Variants in CCSER1 observed in about 807,000 individuals in gnomAD.
The protein encoded by CCSER1 is coiled-coil serine rich protein 1, also known as serine-rich coiled-coil domain-containing protein 1.
A neutral mutation model predicts 82.0 loss-of-function variants in CCSER1; 41 were observed. The observed-to-expected ratio is 0.50, with a 90% CI of 0.39 to 0.65. The LOEUF is 0.65. Among genes scored for constraint, CCSER1 ranks in the 30% least tolerant of loss-of-function variants. CCSER1 has a pLI of 0.00. For synonymous variants in CCSER1, 414 were observed against 383.9 expected (o/e 1.08, Z -0.92); for missense variants, 1,119 against 1,064.2 (o/e 1.05, Z -0.72).
At chr4:91,238,282 T>C (rs1739175453) in intron 10 of CCSER1, among the ~76,000 whole-genome samples, 1 of 152,130 alleles carries the variant, frequency 6.6e-6, no homozygotes, top group African/African-American at 2.4e-5. Flanking sequence ...ACATAGTAAG[T>C]GCCTGAGAGT....
chr4:90,616,667 A>G (rs1338309344), intron 5 of CCSER1, among the ~76,000 whole-genome samples: 2 of 150,392 alleles, frequency 1.3e-5, no homozygotes, highest in Non-Finnish European at 3.0e-5. Context: ...CCTGGGCCAC[A>G]GAGTGTGGCT....
At chr4:90,913,841 A>G (rs1726841274) in intron 8 of CCSER1, among the ~76,000 whole-genome samples, 1 of 152,194 alleles carries the variant, frequency 6.6e-6, no homozygotes, top group African/African-American at 2.4e-5. Flanking sequence ...AAGGGTTGCA[A>G]TCCTAGTCTC....
At chr4:91,523,462 T>C (rs919987367) in intron 10 of CCSER1, among the ~76,000 whole-genome samples, 2 of 152,136 alleles carry the variant, frequency 1.3e-5, no homozygotes, top group Non-Finnish European at 2.9e-5. Flanking sequence ...CCAGCTCCTC[T>C]TTGTACCTCT....
At chr4:90,426,947 A>G (rs950073084) in intron 4 of CCSER1, among the ~76,000 whole-genome samples, 1 of 152,120 alleles carries the variant, frequency 6.6e-6, no homozygotes, top group Non-Finnish European at 1.5e-5. Flanking sequence ...GATTCTTCTA[A>G]AAAGTCTTTA....
At chr4:90,359,205 T>A (rs886084308) in intron 3 of CCSER1, among the ~76,000 whole-genome samples, 2 of 152,172 alleles carry the variant, frequency 1.3e-5, no homozygotes, top group Admixed American at 6.5e-5. Flanking sequence ...CCAGAGAGAC[T>A]ATTGTTAGTC....
chr4:91,355,918 G>A (rs918821084), intron 10 of CCSER1, among the ~76,000 whole-genome samples: 2 of 152,218 alleles, frequency 1.3e-5, no homozygotes, highest in African/African-American at 4.8e-5. Flanking sequence ...GGTGGGGTTA[G>A]GGTGTTGCAA....
At chr4:91,194,672 G>A (rs1735262556) in intron 10 of CCSER1, among the ~76,000 whole-genome samples, 1 of 150,214 alleles carries the variant, frequency 6.7e-6, no homozygotes, top group Non-Finnish European at 1.5e-5. Context: ...ACATGGTAGA[G>A]AACACACACA....
At chr4:90,286,099 T>C (rs1211143906) in intron 1 of CCSER1, among the ~76,000 whole-genome samples, 2 of 152,098 alleles carry the variant, frequency 1.3e-5, no homozygotes, top group Non-Finnish European at 2.9e-5. Context: ...CATTTTTCTT[T>C]TTTTGTCATG....
At chr4:91,221,264 C>A (rs2149099941) in intron 10 of CCSER1, among the ~76,000 whole-genome samples, 1 of 152,062 alleles carries the variant, frequency 6.6e-6, no homozygotes, top group African/African-American at 2.4e-5. Context: ...AAAATGCAGT[C>A]AATTTATTTG....
chr4:90,207,870 G>T (rs190708708), intron 1 of CCSER1, among the ~76,000 whole-genome samples: 1 of 152,292 alleles, frequency 6.6e-6, no homozygotes, highest in East Asian at 1.9e-4. Context: ...TCTTCTGGAA[G>T]CTTCGTCCTA....
At chr4:91,021,717 A>G (rs977689786) in intron 9 of CCSER1, among the ~76,000 whole-genome samples, 5 of 152,200 alleles carry the variant, frequency 3.3e-5, no homozygotes, top group Admixed American at 6.5e-5. Context: ...AATGATGTAC[A>G]GTAAATTTCC....
chr4:90,747,485 A>T (rs1580276835), intron 7 of CCSER1, among the ~76,000 whole-genome samples: 3 of 151,444 alleles, frequency 2.0e-5, no homozygotes, highest in African/African-American at 7.3e-5. Context: ...GAGAGCAGAG[A>T]AAAAAAAAGA....
chr4:90,340,731 C>T lies in CCSER1; in HGVS notation c.1509+27684C>T, dbSNP rs373978390. The stretch of plus-strand genomic sequence containing the variant: ...TCCCCCTTTTTATTTCCAAACATTC[C>T]CATAAGGTTTACAAGTCTTTGAAAT... On this transcript the variant is annotated intron_variant, in intron 3 of 10. Transcript: ENST00000509176. Among the ~76,000 whole-genome samples the T allele has an allele frequency of 1.9e-3, 284 of 152,122 alleles. 1 individual carries two copies. The highest frequency in any genetic ancestry group is 6.0e-3 in the African/African-American group (248 of 41,532).
At chr4:91,104,313 C>T (rs537061905) in intron 10 of CCSER1, among the ~76,000 whole-genome samples, 8 of 152,160 alleles carry the variant, frequency 5.3e-5, no homozygotes, top group East Asian at 1.9e-4. Flanking sequence ...GTACCTACTC[C>T]GTGTGCTTAC....
At chr4:91,267,718 G>T (rs1200334553) in intron 10 of CCSER1, among the ~76,000 whole-genome samples, 1 of 152,192 alleles carries the variant, frequency 6.6e-6, no homozygotes, top group Non-Finnish European at 1.5e-5. Context: ...AAAAGGGCTT[G>T]GGGCAATATT....
chr4:91,489,906 T>C (rs184176571), intron 10 of CCSER1, among the ~76,000 whole-genome samples: 315 of 152,270 alleles, frequency 2.1e-3, no homozygotes, highest in Middle Eastern at 0.01. Flanking sequence ...CAAAAAACTC[T>C]TATAATCCAG....
At chr4:90,413,584 A>T (rs1223474972) in intron 4 of CCSER1, among the ~76,000 whole-genome samples, 1 of 152,142 alleles carries the variant, frequency 6.6e-6, no homozygotes, top group South Asian at 2.1e-4. Context: ...TGGTATAAAA[A>T]TGATACGGGG....
chr4:90,620,296 C>T (rs1319783709), intron 5 of CCSER1, among the ~76,000 whole-genome samples: 4 of 151,972 alleles, frequency 2.6e-5, no homozygotes, highest in Non-Finnish European at 5.9e-5. Context: ...GGTAAAAGAA[C>T]ACTGGACTAG....
intron 10 of CCSER1, among the ~76,000 whole-genome samples, chr4:91,570,773 G>A (rs151044948): frequency 0.019 from 2,902 of 152,224 alleles, 83 homozygotes; most frequent in African/African-American, 0.065. Context: ...ACATGCCCTG[G>A]AGACATTTTC....
Sources: gnomAD v4.1 joint callset for allele counts (sites outside exome capture counted in the v4.1 genomes callset) on GRCh38, gnomAD v4.1.1 for gene constraint, MANE v1.5 for transcripts, NCBI Gene and HGNC (gene_info 2026-07-23, HGNC 2026-07-21) for gene names.